KCNQ1: variants seen among roughly 807,000 people sequenced by gnomAD.
KCNQ1 encodes the protein potassium voltage-gated channel subfamily Q member 1, also known as potassium voltage-gated channel subfamily KQT member 1.
KCNQ1 carries 49 observed loss-of-function variants against 72.4 expected under a neutral mutation model. The observed-to-expected ratio is 0.68, with a 90% CI of 0.54 to 0.86. The LOEUF (loss-of-function observed/expected upper bound fraction) is 0.86, where lower values mean the gene tolerates loss of function less well. KCNQ1 is among the 40% of genes least tolerant of loss of function. KCNQ1 has a pLI of 0.00. For missense variants in KCNQ1, 790 were observed against 945.1 expected (o/e 0.84, Z 2.15); for synonymous variants, 450 against 412.6 (o/e 1.09, Z -1.10).
At chr11:2,689,166 C>G in intron 11 of KCNQ1, 1 of 398,762 alleles carries the variant, frequency 2.5e-6, no homozygotes, top group East Asian at 3.6e-5. Flanking sequence ...GCTCAAGGGC[C>G]TGCTCCTCCT....
At chr11:2,456,635 A>G (rs181418797) in intron 1 of KCNQ1, among the ~76,000 whole-genome samples, 3 of 151,924 alleles carry the variant, frequency 2.0e-5, no homozygotes, top group Admixed American at 2.0e-4. Context: ...AAAAGTGGGC[A>G]AAAGGGCCGG....
rs945798223 is a variant in KCNQ1, at chr11:2,816,831, T to C, written c.1795-30936T>C. Among the ~76,000 whole-genome samples the C allele has an allele frequency of 4.6e-5, 7 of 151,854 alleles. No homozygotes were observed. The highest frequency in any genetic ancestry group is 1.7e-4 in the African/African-American group (7 of 41,348). On this transcript the variant is annotated intron_variant, in intron 15 of 15. Coordinates refer to ENST00000155840, the MANE Select transcript of KCNQ1 (RefSeq NM_000218.3). The surrounding 1 kb of genome is among the most constrained non-coding windows in gnomAD (Gnocchi z 6.8). Reference sequence around the variant, plus strand: ...CCCTGCCCCCTCCATTTCAGACATCTCCATCTGATGTCTGAGCCCTGAACA... The same window carrying C: ...CCCTGCCCCCTCCATTTCAGACATCCCCATCTGATGTCTGAGCCCTGAACA...
chr11:2,588,764 GAGA>G lies in KCNQ1; in HGVS notation c.1307_1309del (p.Lys436del). On this transcript the variant is annotated inframe_deletion, in exon 10 of 16. Transcript: ENST00000155840. This position sits in a 1 kb window ranked among gnomAD's most constrained non-coding sequence, Gnocchi z 5.6. ...CAAAGACAATGGGGTGACTCCTGGAGAGAAGATGCTCACAGTCCCCCATATCAC... is the reference window on the plus strand; with the variant it reads ...CAAAGACAATGGGGTGACTCCTGGAGAGATGCTCACAGTCCCCCATATCAC... 1 of 1,613,814 alleles carries G rather than the reference GAGA, an allele frequency of 6.2e-7. No individual in the cohort carries two copies. Among genetic ancestry groups the G allele is most frequent in the Non-Finnish European group, 8.5e-7 (1 of 1,179,994 alleles).
In KCNQ1 at chr11:2,695,470, G is replaced by T. The variant is rs777151157; in HGVS notation, c.1514+33389G>T. The T allele has an allele frequency of 8.3e-5, 33 of 398,422 alleles. No homozygotes were observed. Among genetic ancestry groups the T allele is most frequent in the Non-Finnish European group, 1.4e-4 (31 of 226,104 alleles). The allele number at this position is 398,422 out of a possible 1,614,324, so 24.7% of individuals were successfully genotyped here. ...GTCACTCAGCACTGTGTTTCCACGCGTCTCTATCTTGTGAAGTGTACATCT... is the reference window on the plus strand; with the variant it reads ...GTCACTCAGCACTGTGTTTCCACGCTTCTCTATCTTGTGAAGTGTACATCT... On this transcript the variant is annotated intron_variant, in intron 11 of 15. Coordinates refer to ENST00000155840, the MANE Select transcript of KCNQ1 (RefSeq NM_000218.3). This position sits in a 1 kb window ranked among gnomAD's most constrained non-coding sequence, Gnocchi z 5.2.
At chr11:2,545,121 C>T (rs545930049) in intron 2 of KCNQ1, among the ~76,000 whole-genome samples, 2 of 152,338 alleles carry the variant, frequency 1.3e-5, no homozygotes, top group South Asian at 4.1e-4. Context: ...GTTCTGTATT[C>T]CTGGATAAAC....
Position 2,669,063 on chromosome 11 carries a change from A to G in KCNQ1, c.1514+6982A>G, listed in dbSNP as rs151212. The G allele has an allele frequency of 1.0e-5, 4 of 398,336 alleles. No homozygotes were observed. The highest frequency in any genetic ancestry group is 8.2e-5 in the African/African-American group (4 of 48,560). The allele number at this position is 398,336 out of a possible 1,614,324, so 24.7% of individuals were successfully genotyped here. A position where few individuals can be genotyped will look rare whatever the true frequency, so the allele number is the denominator to read the frequency against. ...GGCATGGGAAGGCCCGTCCTCTCCC[A>G]ACTACCCTGCCGTATCAGTGTCTTT... On this transcript the variant is annotated intron_variant, in intron 11 of 15. Transcript: ENST00000155840. This position sits in a 1 kb window ranked among gnomAD's most constrained non-coding sequence, Gnocchi z 5.6.
At position 2,478,325 on chromosome 11, in the gene KCNQ1, A is replaced by C. The variant is rs767446357; in HGVS notation, c.386+32841A>C. Among the ~76,000 whole-genome samples, 1 of 152,208 alleles carries C rather than the reference A, an allele frequency of 6.6e-6. No individual in the cohort carries two copies. The highest frequency in any genetic ancestry group is 2.4e-5 in the African/African-American group (1 of 41,452). On this transcript the variant is annotated intron_variant, in intron 1 of 15. Transcript: ENST00000155840. This position sits in a 1 kb window ranked among gnomAD's most constrained non-coding sequence, Gnocchi z 4.0. Reference sequence around the variant, plus strand: ...TGGGAGTCTATGATTCCACTATGTTATGTATTAGTCCATTTTCAAATTACT... The same window carrying C: ...TGGGAGTCTATGATTCCACTATGTTCTGTATTAGTCCATTTTCAAATTACT...
Position 2,468,838 on chromosome 11 carries a change from T to C in KCNQ1, c.386+23354T>C, listed in dbSNP as rs1846395267. Among the ~76,000 whole-genome samples the C allele has an allele frequency of 6.6e-6, 1 of 152,044 alleles. No homozygotes were observed. The highest frequency in any genetic ancestry group is 2.4e-5 in the African/African-American group (1 of 41,406). On this transcript the variant is annotated intron_variant, in intron 1 of 15. Transcript: ENST00000155840. This position sits in a 1 kb window ranked among gnomAD's most constrained non-coding sequence, Gnocchi z 5.7. ...TGTATCCCATTTGGGCTCTCACAAA[T>C]GATACTGCTAGGAATAGCTGGAGTC...
At chr11:2,528,615 C>T (rs981209050) in intron 2 of KCNQ1, among the ~76,000 whole-genome samples, 9 of 152,246 alleles carry the variant, frequency 5.9e-5, no homozygotes, top group African/African-American at 1.9e-4. Flanking sequence ...TGTCTGGAGC[C>T]CACGGGGTCC....
At chr11:2,739,938 G>A (rs531233642) in intron 11 of KCNQ1, among the ~76,000 whole-genome samples, 6 of 152,384 alleles carry the variant, frequency 3.9e-5, no homozygotes, top group African/African-American at 1.2e-4. Context: ...GCTGAGGCCT[G>A]GGTGTGCAGG....
At chr11:2,585,850 G>A (rs1162644404) in intron 8 of KCNQ1, among the ~76,000 whole-genome samples, 1 of 152,254 alleles carries the variant, frequency 6.6e-6, no homozygotes, top group African/African-American at 2.4e-5. Flanking sequence ...AGCAACAGGG[G>A]CAGGAAGGTT....
chr11:2,660,217 C>A, intron 10 of KCNQ1: 1 of 397,952 alleles, frequency 2.5e-6, no homozygotes, highest in Non-Finnish European at 4.4e-6. Context: ...GTATGTAGTA[C>A]CCTTTAAATT....
chr11:2,832,532 G>A lies in KCNQ1; in HGVS notation c.1795-15235G>A, dbSNP rs143024819. On this transcript the variant is annotated intron_variant, in intron 15 of 15. Transcript: ENST00000155840. ...TACTGCAAGATCAGGGAGATGGGAC[G>A]CAGTCCCCGCCCATGCCCAGGGCCT... 3.8e-3 allele frequency among the ~76,000 whole-genome samples: 579 copies of A among 152,322 alleles called. 7 individuals are homozygous for A. The highest frequency in any genetic ancestry group is 0.013 in the African/African-American group (554 of 41,570).
chr11:2,544,477 CAT>C lies in KCNQ1; in HGVS notation c.477+16463_477+16464del. Among the ~76,000 whole-genome samples, 1 of 151,508 alleles carries C rather than the reference CAT, an allele frequency of 6.6e-6. No individual in the cohort carries two copies. The highest frequency in any genetic ancestry group is 2.4e-5 in the African/African-American group (1 of 41,292). On this transcript the variant is annotated intron_variant, in intron 2 of 15. Coordinates refer to ENST00000155840, the MANE Select transcript of KCNQ1 (RefSeq NM_000218.3). This position sits in a 1 kb window ranked among gnomAD's most constrained non-coding sequence, Gnocchi z 4.4. ...TATCTCTTATAAGGGTTATATATCT[CAT>C]ATACATATGAGGTTATATACCACTT...
In KCNQ1 at chr11:2,536,587, CCT is replaced by C. The variant is rs561094958; in HGVS notation, c.477+8575_477+8576del. On this transcript the variant is annotated intron_variant, in intron 2 of 15. Transcript: ENST00000155840. The surrounding 1 kb of genome is among the most constrained non-coding windows in gnomAD (Gnocchi z 7.4). ...ACCCGCTACAGCTTCTTGGGACCTC[CCT>C]CTCTCAGGCGGGTCTGGAACCCAAC... is the stretch of plus-strand genomic sequence containing the variant. 2.9e-4 allele frequency among the ~76,000 whole-genome samples: 44 copies of C among 152,296 alleles called. 1 individual carries two copies. In the South Asian group the frequency reaches 8.7e-3, roughly 30 times the overall value.
At chr11:2,805,759 G>A (rs759264818) in intron 15 of KCNQ1, among the ~76,000 whole-genome samples, 3 of 152,314 alleles carry the variant, frequency 2.0e-5, no homozygotes, top group East Asian at 1.9e-4. Flanking sequence ...GTGGTCTTCC[G>A]TGCTGGGGAA....
intron 6 of KCNQ1, among the ~76,000 whole-genome samples, chr11:2,578,121 C>T (rs1848449167): frequency 6.6e-6 from 1 of 152,246 alleles, no homozygotes; most frequent in African/African-American, 2.4e-5. Context: ...AAGCACTTTA[C>T]AAATTCCAGG....
chr11:2,490,877 G>C (rs978082200), intron 1 of KCNQ1, among the ~76,000 whole-genome samples: 1 of 151,822 alleles, frequency 6.6e-6, no homozygotes, highest in African/African-American at 2.4e-5. Flanking sequence ...TTGTTTGTTT[G>C]TTTGTTTTAG....
intron 10 of KCNQ1, chr11:2,614,423 T>A (rs1219530604): frequency 5.0e-6 from 2 of 398,454 alleles, no homozygotes; most frequent in Non-Finnish European, 4.4e-6. Flanking sequence ...TTTACAATAT[T>A]GTGTTTTTTG....
Sources: gnomAD v4.1 joint callset for allele counts (sites outside exome capture counted in the v4.1 genomes callset) on GRCh38, gnomAD v4.1.1 for gene constraint, Gnocchi (gnomAD v3.1) non-coding constraint, MANE v1.5 for transcripts, NCBI Gene and HGNC (gene_info 2026-07-23, HGNC 2026-07-21) for gene names.